The following GMPPB variants were observed in gnomAD, a reference collection of about 807,000 sequenced individuals.
The protein encoded by GMPPB is mannose-1-phosphate guanylyltransferase catalytic subunit beta.
GMPPB carries 38 observed loss-of-function variants against 40.3 expected under a neutral mutation model. The observed-to-expected ratio is 0.94, with a 90% CI of 0.73 to 1.24. The LOEUF (loss-of-function observed/expected upper bound fraction) is 1.24. GMPPB is among the 50% of genes most tolerant of loss of function. GMPPB has a pLI of 0.00. For synonymous variants in GMPPB, 193 were observed against 191.8 expected, an observed-to-expected ratio of 1.01 and a Z score of -0.05; for missense variants, 436 against 487.1, an observed-to-expected ratio of 0.90 and a Z score of 0.99.
At chr3:49,722,795 C>T in intron 4 of GMPPB, 41 bp from the exon 5 acceptor site, 3 of 1,588,086 alleles carry the variant, frequency 1.9e-6, no homozygotes, top group South Asian at 2.3e-5. Flanking sequence ...GTCCAGTGTT[C>T]CTAAGCCTTG....
chr3:49,723,755 C>G lies in GMPPB; in HGVS notation c.-29G>C, dbSNP rs200511393. On this transcript the variant is annotated 5_prime_UTR_variant, in exon 1 of 9. Coordinates refer to ENST00000308388, the MANE Select transcript of GMPPB (RefSeq NM_021971.4). ...GCCTGCGGACGTTGAGGGGGTGTCC[C>G]GGGCTCTGAGGTGCCTGCAGCCCGC... 314 of 1,562,670 alleles carry G rather than the reference C, an allele frequency of 2.0e-4. 1 individual carries two copies. The highest frequency in any genetic ancestry group is 2.6e-4 in the Non-Finnish European group (301 of 1,162,330).
chr3:49,722,719 C>A lies in GMPPB; in HGVS notation c.438G>T (p.Val146=). Residue 146 remains valine (V), a synonymous_variant, in exon 5 of 9, where the codon GTG becomes GTT. Transcript: ENST00000308388. ...TKVEEPSKYG[V]VVCEADTGRI... ...GGCCTGTGTCAGCCTCACACACCAC[C>A]ACACCGTACTTGGAGGGTTCCTCCA... 6.2e-7 allele frequency: 1 copy of A among 1,613,596 alleles called. No homozygotes were observed. Among genetic ancestry groups the A allele is most frequent in the South Asian group, 1.1e-5 (1 of 91,060 alleles).
Position 49,721,093 on chromosome 3 carries a change from A to G in GMPPB, c.*659T>C. The G allele has an allele frequency of 6.2e-7, 1 of 1,613,994 alleles. No individual in the cohort carries two copies. The highest frequency in any genetic ancestry group is 8.5e-7 in the Non-Finnish European group (1 of 1,179,910). ...TCTGCTGTGTTCCAGCCCTGTGGCC[A>G]CAAGTCCTGCAAGTAAGTGGGCCCC... On this transcript the variant is annotated 3_prime_UTR_variant, in exon 9 of 9. Coordinates refer to ENST00000308388, the MANE Select transcript of GMPPB (RefSeq NM_021971.4).
At chr3:49,721,909 G>A (rs1390074780) in intron 8 of GMPPB, 26 bp from the exon 9 acceptor site, 1 of 1,613,768 alleles carries the variant, frequency 6.2e-7, no homozygotes, top group Non-Finnish European at 8.5e-7. Context: ...GGCCTTGTCA[G>A]GGAGGCAGGC....
chr3:49,721,543 C>G lies in GMPPB; in HGVS notation c.*209G>C. On this transcript the variant is annotated 3_prime_UTR_variant, in exon 9 of 9. Coordinates refer to ENST00000308388, the MANE Select transcript of GMPPB (RefSeq NM_021971.4). Reference sequence around the variant, plus strand: ...TTATTCCATACAGCCCTGGCCCTGGCCCTTCTTGAGGGAGTGGGGTTTGTG... The same window carrying G: ...TTATTCCATACAGCCCTGGCCCTGGGCCTTCTTGAGGGAGTGGGGTTTGTG... The G allele has an allele frequency of 2.5e-6, 2 of 804,292 alleles. No individual in the cohort carries two copies. Among genetic ancestry groups the G allele is most frequent in the Non-Finnish European group, 4.2e-6 (2 of 475,470 alleles). 49.8% of individuals were successfully genotyped at this position (804,292 alleles called of 1,614,324 possible).
rs2080405669 is a variant in GMPPB, at chr3:49,721,453, C to G, written c.*299G>C. The stretch of plus-strand genomic sequence containing the variant: ...TGCCTGTATCCTCATTGGTGGGAGC[C>G]CAGCCATGGCCCTAATTGTGCCTGA... On this transcript the variant is annotated 3_prime_UTR_variant, in exon 9 of 9. Coordinates refer to ENST00000308388, the MANE Select transcript of GMPPB (RefSeq NM_021971.4). 1 of 1,083,924 alleles carries G rather than the reference C, an allele frequency of 9.2e-7. No homozygotes were observed. The allele number at this position is 1,083,924 out of a possible 1,614,324, so 67.1% of individuals were successfully genotyped here. A position where few individuals can be genotyped will look rare whatever the true frequency, so the allele number is the denominator to read the frequency against.
At position 49,720,521 on chromosome 3, in the gene GMPPB, G is replaced by C; in HGVS notation, c.*1231C>G. On this transcript the variant is annotated 3_prime_UTR_variant, in exon 9 of 9. Coordinates refer to ENST00000308388, the MANE Select transcript of GMPPB (RefSeq NM_021971.4). Reference sequence around the variant, plus strand: ...CCCTCCCCTACCTAGGAGAGAGCAAGCCACATCAGTGCTCCTGGCAGATCC... The same window carrying C: ...CCCTCCCCTACCTAGGAGAGAGCAACCCACATCAGTGCTCCTGGCAGATCC... 1.9e-6 allele frequency: 3 copies of C among 1,593,626 alleles called. No homozygotes were observed. Among genetic ancestry groups the C allele is most frequent in the Non-Finnish European group, 2.6e-6 (3 of 1,168,662 alleles).
At position 49,720,575 on chromosome 3, in the gene GMPPB, C is replaced by T. The variant is rs2080381186; in HGVS notation, c.*1177G>A. On this transcript the variant is annotated 3_prime_UTR_variant, in exon 9 of 9. Coordinates refer to ENST00000308388, the MANE Select transcript of GMPPB (RefSeq NM_021971.4). The stretch of plus-strand genomic sequence containing the variant: ...CTTCCAGCTACGCTCAATATGCTAT[C>T]TCCTGGGACAGCCAGAGCCCCCAGC... 1.2e-6 allele frequency: 2 copies of T among 1,612,236 alleles called. No individual in the cohort carries two copies. The highest frequency in any genetic ancestry group is 1.1e-5 in the South Asian group (1 of 90,880).
rs918193122 is a variant in GMPPB at position 49,720,674 on chromosome 3, G to C, written c.*1078C>G. The C allele has an allele frequency of 1.3e-6, 2 of 1,595,526 alleles. No individual in the cohort carries two copies. The highest frequency in any genetic ancestry group is 2.7e-5 in the African/African-American group (2 of 74,640). ...GAGCTGTGAGTGGGCTGGTGGGGCA[G>C]GTCAGGGAAATCTGGGGCTGGGTCG... On this transcript the variant is annotated 3_prime_UTR_variant, in exon 9 of 9. Coordinates refer to ENST00000308388, the MANE Select transcript of GMPPB (RefSeq NM_021971.4).
rs374270205 is a variant in GMPPB at position 49,722,025 on chromosome 3, G to T, written c.891C>A (p.Ile297=). 2.5e-6 allele frequency: 4 copies of T among 1,613,492 alleles called. No homozygotes were observed. The highest frequency in any genetic ancestry group is 2.7e-5 in the African/African-American group (2 of 74,926). ...RRCTVLRDAR[I]RSHSWLESCI... is the part of the protein sequence containing the mutation. Reference sequence around the variant, plus strand: ...AGGACTCAAGCCAGGAATGGGAACGGATCCGGGCATCCCGCAGCACCGTGC... The same window carrying T: ...AGGACTCAAGCCAGGAATGGGAACGTATCCGGGCATCCCGCAGCACCGTGC... The change falls in exon 8 of 9, where the codon ATC becomes ATA. Residue 297 remains isoleucine, a synonymous_variant. Transcript: ENST00000308388.
At position 49,720,781 on chromosome 3, in the gene GMPPB, A is replaced by G. The variant is rs930363322; in HGVS notation, c.*971T>C. On this transcript the variant is annotated 3_prime_UTR_variant, in exon 9 of 9. Coordinates refer to ENST00000308388, the MANE Select transcript of GMPPB (RefSeq NM_021971.4). The stretch of plus-strand genomic sequence containing the variant: ...CATCCTCAGCTACCTCTGACTTGAC[A>G]CTACCTACCACTCCCCAGATGCGGA... 1.2e-6 allele frequency: 2 copies of G among 1,614,012 alleles called. No homozygotes were observed. Among genetic ancestry groups the G allele is most frequent in the Non-Finnish European group, 1.7e-6 (2 of 1,179,890 alleles).
At chr3:49,722,779 G>A (rs2080437759) in intron 4 of GMPPB, 25 bp from the exon 5 acceptor site, 3 of 1,600,770 alleles carry the variant, frequency 1.9e-6, no homozygotes. Flanking sequence ...GGGGACCTCG[G>A]ACCTAGTCCA....
chr3:49,720,664 T>C lies in GMPPB; in HGVS notation c.*1088A>G. 1 of 1,596,312 alleles carries C rather than the reference T, an allele frequency of 6.3e-7. No individual in the cohort carries two copies. The highest frequency in any genetic ancestry group is 2.2e-5 in the East Asian group (1 of 44,538). On this transcript the variant is annotated 3_prime_UTR_variant, in exon 9 of 9. Transcript: ENST00000308388. ...TCTCCCTGCAGAGCTGTGAGTGGGC[T>C]GGTGGGGCAGGTCAGGGAAATCTGG...
At position 49,721,033 on chromosome 3, in the gene GMPPB, A is replaced by T; in HGVS notation, c.*719T>A. 1 of 1,612,474 alleles carries T rather than the reference A, an allele frequency of 6.2e-7. No homozygotes were observed. The highest frequency in any genetic ancestry group is 8.5e-7 in the Non-Finnish European group (1 of 1,178,918). ...TCCTCCCTGCAGCCCACCAGTGAGG[A>T]GGACCTCTGCCCCATCTGCTATGCC... is the stretch of plus-strand genomic sequence containing the variant. On this transcript the variant is annotated 3_prime_UTR_variant, in exon 9 of 9. Transcript: ENST00000308388.
In GMPPB at chr3:49,723,935, C is replaced by G. The variant is rs1396061459; in HGVS notation, c.-209G>C. On this transcript the variant is annotated 5_prime_UTR_variant, in exon 1 of 9. Coordinates refer to ENST00000308388, the MANE Select transcript of GMPPB (RefSeq NM_021971.4). Reference sequence around the variant, plus strand: ...ACAGAACGCGACACCGGGTAGACGGCTGCTGGCCCCGAACTCAGGCCGGAC... The same window carrying G: ...ACAGAACGCGACACCGGGTAGACGGGTGCTGGCCCCGAACTCAGGCCGGAC... 1 of 494,504 alleles carries G rather than the reference C, an allele frequency of 2.0e-6. No homozygotes were observed. Among genetic ancestry groups the G allele is most frequent in the South Asian group, 3.6e-5 (1 of 27,578 alleles). The allele number at this position is 494,504 out of a possible 1,614,324, so 30.6% of individuals were successfully genotyped here. A position where few individuals can be genotyped will look rare whatever the true frequency, so the allele number is the denominator to read the frequency against.
chr3:49,721,676 G>T lies in GMPPB; in HGVS notation c.*76C>A. The T allele has an allele frequency of 2.9e-6, 4 of 1,358,524 alleles. No homozygotes were observed. The highest frequency in any genetic ancestry group is 4.1e-6 in the Non-Finnish European group (4 of 980,254). 84.2% of individuals were successfully genotyped at this position (1,358,524 alleles called of 1,614,324 possible). Reference sequence around the variant, plus strand: ...CCCAGACAAATAATGACAAGTCCAGGGTCTTCTGATGTGTCAGGCCAGCAC... The same window carrying T: ...CCCAGACAAATAATGACAAGTCCAGTGTCTTCTGATGTGTCAGGCCAGCAC... On this transcript the variant is annotated 3_prime_UTR_variant, in exon 9 of 9. Transcript: ENST00000308388.
chr3:49,723,528 C>A, intron 1 of GMPPB, 56 bp from the exon 2 acceptor site: 1 of 1,611,404 alleles, frequency 6.2e-7, no homozygotes, highest in Admixed American at 1.7e-5. Flanking sequence ...GAGCCCCTGA[C>A]CCCTAGTCGC....
At chr3:49,722,538 G>C in intron 5 of GMPPB, 28 bp from the exon 6 acceptor site, 1 of 1,613,756 alleles carries the variant, frequency 6.2e-7, no homozygotes, top group Non-Finnish European at 8.5e-7. Flanking sequence ...TTGTGAGCAG[G>C]GTCATGGCGG....
intron 4 of GMPPB, 41 bp downstream of exon 4, chr3:49,722,931 G>A (rs1412257575): frequency 6.2e-7 from 1 of 1,603,954 alleles, no homozygotes; most frequent in Non-Finnish European, 8.5e-7. Flanking sequence ...GCTGGGCATG[G>A]AGGGTGAAAG....
Sources: gnomAD v4.1 joint callset for allele counts on GRCh38, gnomAD v4.1.1 for gene constraint, MANE v1.5 for transcripts, NCBI Gene and HGNC (gene_info 2026-07-23, HGNC 2026-07-21) for gene names.